The following CFAP20DC variants were observed in gnomAD, a reference collection of about 807,000 sequenced individuals.
The protein encoded by CFAP20DC is protein CFAP20DC.
CFAP20DC carries 84 observed loss-of-function variants against 101.7 expected under a neutral mutation model. The ratio of observed to expected loss-of-function variants is 0.83; its 90% CI spans 0.69 to 0.99. The LOEUF (loss-of-function observed/expected upper bound fraction) is 0.99, where lower values mean the gene tolerates loss of function less well. Ranked by LOEUF, CFAP20DC falls within the 50% of genes least tolerant of loss-of-function variation. The pLI is 0.00. For missense variants in CFAP20DC, 1,007 were observed against 970.3 expected, an observed-to-expected ratio of 1.04 and a Z score of -0.50; for synonymous variants, 359 against 351.2, an observed-to-expected ratio of 1.02 and a Z score of -0.25.
At chr3:58,806,365 T>TC (rs397942323) in intron 15 of CFAP20DC, 30 bp downstream of exon 15, 6 of 1,443,530 alleles carry the variant, frequency 4.2e-6, no homozygotes, top group Non-Finnish European at 3.9e-6. Context: ...TTTTTTTTTT[T>TC]CTTAAATGTA....
At chr3:58,814,606 C>T (rs1430162681) in intron 14 of CFAP20DC, among the ~76,000 whole-genome samples, 11 of 151,224 alleles carry the variant, frequency 7.3e-5, no homozygotes, top group African/African-American at 1.2e-4. Context: ...ATCTAGAAAA[C>T]CCCATTGTCT....
At chr3:58,825,855 T>C (rs759149278) in intron 14 of CFAP20DC, among the ~76,000 whole-genome samples, 2 of 152,214 alleles carry the variant, frequency 1.3e-5, no homozygotes, top group Non-Finnish European at 2.9e-5. Context: ...TAGCAAGAGA[T>C]GCCTACAAAA....
chr3:58,941,796 T>C (rs1181718601), intron 4 of CFAP20DC, among the ~76,000 whole-genome samples: 3 of 152,108 alleles, frequency 2.0e-5, no homozygotes, highest in Non-Finnish European at 4.4e-5. Flanking sequence ...GACCTCGTGA[T>C]CCGCCCGCCT....
chr3:58,824,595 G>A (rs1469898961), intron 14 of CFAP20DC: 2 of 152,242 alleles, frequency 1.3e-5, no homozygotes, highest in East Asian at 1.9e-4. Flanking sequence ...ATATTTTTAT[G>A]TTGTTATGTA....
At chr3:58,770,610 T>A (rs780793999) in intron 15 of CFAP20DC, among the ~76,000 whole-genome samples, 4 of 152,184 alleles carry the variant, frequency 2.6e-5, no homozygotes, top group Admixed American at 2.6e-4. Context: ...CAGCATGAAG[T>A]ACAGTAGAAA....
chr3:58,809,157 A>C (rs1051526872), intron 14 of CFAP20DC, among the ~76,000 whole-genome samples: 2 of 151,926 alleles, frequency 1.3e-5, no homozygotes, highest in East Asian at 1.9e-4. Flanking sequence ...ACAGAAAGTT[A>C]ACAAGGATAC....
intron 15 of CFAP20DC, among the ~76,000 whole-genome samples, chr3:58,755,606 C>G (rs529987516): frequency 6.6e-6 from 1 of 152,194 alleles, no homozygotes; most frequent in African/African-American, 2.4e-5. Context: ...ACACTCACTT[C>G]TTAGGTCAAT....
Position 58,816,496 on chromosome 3 carries a change from G to A in CFAP20DC, c.2176-10040C>T, listed in dbSNP as rs542988832. Among the ~76,000 whole-genome samples the A allele has an allele frequency of 5.1e-4, 77 of 152,310 alleles. 2 individuals are homozygous for A. Among genetic ancestry groups the A allele is most frequent in the African/African-American group, 1.8e-3 (76 of 41,580 alleles). ...TCACCTGGGAAGCGCAAGGGGTCAGGGAGTTCCCTTTCCGAGTCAAAGAAA... is the reference window on the plus strand; with the variant it reads ...TCACCTGGGAAGCGCAAGGGGTCAGAGAGTTCCCTTTCCGAGTCAAAGAAA... On this transcript the variant is annotated intron_variant, in intron 14 of 16. Transcript: ENST00000482387.
At chr3:58,916,540 G>GT (rs1463380847) in intron 5 of CFAP20DC, among the ~76,000 whole-genome samples, 2 of 152,150 alleles carry the variant, frequency 1.3e-5, no homozygotes, top group Admixed American at 6.6e-5. Flanking sequence ...AGATGTGTGT[G>GT]TATGTGCACT....
intron 14 of CFAP20DC, among the ~76,000 whole-genome samples, chr3:58,817,656 A>T (rs2075298337): frequency 6.8e-6 from 1 of 146,684 alleles, no homozygotes; most frequent in Non-Finnish European, 1.5e-5. Context: ...GACCAAATCT[A>T]CGTCTGATTG....
At chr3:58,997,169 GTAT>G (rs1304148086) in intron 4 of CFAP20DC, among the ~76,000 whole-genome samples, 1 of 152,192 alleles carries the variant, frequency 6.6e-6, no homozygotes, top group African/African-American at 2.4e-5. Context: ...ACTTTCAGAT[GTAT>G]TATTTTGTTA....
chr3:58,802,731 C>T (rs754206239), intron 15 of CFAP20DC, among the ~76,000 whole-genome samples: 9 of 152,142 alleles, frequency 5.9e-5, no homozygotes, highest in Middle Eastern at 3.2e-3. Flanking sequence ...AAGTGAATGA[C>T]TTTACTGTGA....
intron 4 of CFAP20DC, among the ~76,000 whole-genome samples, chr3:58,967,045 C>T (rs560580055): frequency 1.2e-4 from 19 of 152,140 alleles, no homozygotes; most frequent in African/African-American, 4.6e-4. Context: ...TGCAAAGGAC[C>T]CAGAGCAATC....
chr3:58,816,919 C>T (rs2075218191), intron 14 of CFAP20DC, among the ~76,000 whole-genome samples: 1 of 152,202 alleles, frequency 6.6e-6, no homozygotes, highest in East Asian at 1.9e-4. Flanking sequence ...AGCAGTGGTT[C>T]TCCCAGCACG....
At chr3:59,034,046 C>A (rs2094047658) in intron 4 of CFAP20DC, among the ~76,000 whole-genome samples, 1 of 152,100 alleles carries the variant, frequency 6.6e-6, no homozygotes. Flanking sequence ...GGCCAATATT[C>A]AATATTCTTA....
chr3:58,884,845 G>C, intron 6 of CFAP20DC, 136 bp from the exon 7 acceptor site: 1 of 688,552 alleles, frequency 1.5e-6, no homozygotes, highest in Non-Finnish European at 2.4e-6. Flanking sequence ...TTTCAGCCCT[G>C]ATTTTCTCAT....
chr3:58,999,211 A>G (rs1469152496), intron 4 of CFAP20DC, among the ~76,000 whole-genome samples: 2 of 152,224 alleles, frequency 1.3e-5, no homozygotes, highest in African/African-American at 4.8e-5. Context: ...GAACAAGGTC[A>G]GTGGAACATA....
intron 6 of CFAP20DC, among the ~76,000 whole-genome samples, chr3:58,889,806 C>T (rs939211029): frequency 1.5e-5 from 2 of 132,714 alleles, no homozygotes; most frequent in African/African-American, 5.8e-5. Context: ...CATCTTGCAC[C>T]GCCCTTAATC....
intron 13 of CFAP20DC, 27 bp downstream of exon 13, chr3:58,849,005 T>G: frequency 6.5e-7 from 1 of 1,526,766 alleles, no homozygotes; most frequent in Non-Finnish European, 8.8e-7. Flanking sequence ...ATTGCCGGCA[T>G]CTGTAAACCA....
Sources: gnomAD v4.1 joint callset for allele counts (sites outside exome capture counted in the v4.1 genomes callset) on GRCh38, gnomAD v4.1.1 for gene constraint, MANE v1.5 for transcripts, NCBI Gene and HGNC (gene_info 2026-07-23, HGNC 2026-07-21) for gene names.